CHCHD6: variants seen among roughly 807,000 people sequenced by gnomAD.
CHCHD6 encodes the protein coiled-coil-helix-coiled-coil-helix domain containing 6.
CHCHD6 carries 28 observed loss-of-function variants against 32.3 expected under a neutral mutation model. That is an observed-to-expected ratio of 0.87 (90% CI 0.64 to 1.19). CHCHD6 has a LOEUF of 1.19. CHCHD6 is among the 50% of genes most tolerant of loss of function. CHCHD6 has a pLI of 0.00. For synonymous variants in CHCHD6, 122 were observed against 117.5 expected (o/e 1.04, Z -0.25); for missense variants, 333 against 307.0 (o/e 1.08, Z -0.63).
intron 4 of CHCHD6, among the ~76,000 whole-genome samples, chr3:126,771,757 T>C (rs1393181477): frequency 6.6e-6 from 1 of 152,226 alleles, no homozygotes; most frequent in African/African-American, 2.4e-5. Flanking sequence ...TTCTAAGTTT[T>C]TGATGTGGGT....
At chr3:126,871,021 A>C (rs756180831) in intron 5 of CHCHD6, among the ~76,000 whole-genome samples, 1 of 152,182 alleles carries the variant, frequency 6.6e-6, no homozygotes. Flanking sequence ...GCTGTGATTC[A>C]TCTGGGTCAG....
Position 126,704,312 on chromosome 3 carries a change from C to T in CHCHD6, c.-1C>T. 6.2e-7 allele frequency: 1 copy of T among 1,604,004 alleles called. No individual in the cohort carries two copies. Among genetic ancestry groups the T allele is most frequent in the Non-Finnish European group, 8.5e-7 (1 of 1,177,462 alleles). On this transcript the variant is annotated 5_prime_UTR_variant, in exon 1 of 8. Transcript: ENST00000290913. ...GGCTGCCGGCCCTGCGGCATCTCGC[C>T]ATGGGGAGCACGGAGAGCAGCGAGG...
chr3:126,801,343 C>T (rs951478859), intron 4 of CHCHD6, among the ~76,000 whole-genome samples: 6 of 152,202 alleles, frequency 3.9e-5, no homozygotes, highest in Non-Finnish European at 4.4e-5. Flanking sequence ...CCTGGAAAAT[C>T]GGGTCACTCC....
At chr3:126,948,245 A>G (rs1309386912) in intron 6 of CHCHD6, among the ~76,000 whole-genome samples, 1 of 152,064 alleles carries the variant, frequency 6.6e-6, no homozygotes, top group Non-Finnish European at 1.5e-5. Context: ...TTATCCTCTC[A>G]CAGTTCTGGA....
rs546179022 is a variant in CHCHD6, at chr3:126,913,207, C to CTTTTTT, written c.496-1441_496-1436dup. 5.9e-4 allele frequency among the ~76,000 whole-genome samples: 20 copies of CTTTTTT among 33,786 alleles called. 8 individuals are homozygous for CTTTTTT. Among genetic ancestry groups the CTTTTTT allele is most frequent in the African/African-American group, 1.3e-3 (10 of 7,642 alleles). The allele number at this position is 33,786 out of a possible 152,430, so 22.2% of individuals were successfully genotyped here. A position where few individuals can be genotyped will look rare whatever the true frequency, so the allele number is the denominator to read the frequency against. On this transcript the variant is annotated intron_variant, in intron 5 of 7. Transcript: ENST00000290913. Reference sequence around the variant, plus strand: ...GGATAATCATGCTGCCCGTATGAGCCTTTTTTTTTTTTTTTTTTTTTTTTT... The same window carrying CTTTTTT: ...GGATAATCATGCTGCCCGTATGAGCCTTTTTTTTTTTTTTTTTTTTTTTTTTTTTTT...
chr3:126,921,842 C>A (rs761790987), intron 6 of CHCHD6, among the ~76,000 whole-genome samples: 1 of 152,182 alleles, frequency 6.6e-6, no homozygotes, highest in African/African-American at 2.4e-5. Context: ...TTTCTAGGAA[C>A]CTGAGCTTCC....
At chr3:126,877,672 G>C (rs1160899795) in intron 5 of CHCHD6, among the ~76,000 whole-genome samples, 1 of 152,162 alleles carries the variant, frequency 6.6e-6, no homozygotes, top group Non-Finnish European at 1.5e-5. Context: ...GTTAGGTTAG[G>C]TAGACCAGCT....
At chr3:126,847,600 A>G (rs994892637) in intron 4 of CHCHD6, among the ~76,000 whole-genome samples, 1 of 152,236 alleles carries the variant, frequency 6.6e-6, no homozygotes, top group Admixed American at 6.5e-5. Context: ...AGGAGATCCC[A>G]CAGGGGCATG....
intron 6 of CHCHD6, among the ~76,000 whole-genome samples, chr3:126,926,807 G>GAT (rs2078330761): frequency 6.6e-6 from 1 of 152,120 alleles, no homozygotes; most frequent in Non-Finnish European, 1.5e-5. Context: ...GGCAGCATTT[G>GAT]GGAGAACCAA....
At chr3:126,780,380 T>C (rs1937876380) in intron 4 of CHCHD6, 1 of 422,980 alleles carries the variant, frequency 2.4e-6, no homozygotes, top group South Asian at 1.8e-5. Flanking sequence ...AGGTATCCAA[T>C]AAAAAGGCTC....
intron 4 of CHCHD6, among the ~76,000 whole-genome samples, chr3:126,743,210 G>C (rs1470752574): frequency 2.0e-5 from 3 of 152,192 alleles, no homozygotes; most frequent in Non-Finnish European, 4.4e-5. Flanking sequence ...TGGCCCTGCT[G>C]TAGGAAGGGG....
intron 5 of CHCHD6, among the ~76,000 whole-genome samples, chr3:126,906,994 C>T (rs1190523965): frequency 1.3e-5 from 2 of 152,146 alleles, no homozygotes; most frequent in Non-Finnish European, 2.9e-5. Context: ...CAGAGGCATG[C>T]CTGGCCCTAG....
intron 4 of CHCHD6, among the ~76,000 whole-genome samples, chr3:126,775,094 A>T (rs1054588985): frequency 3.3e-5 from 5 of 152,240 alleles, no homozygotes; most frequent in African/African-American, 4.8e-5. Context: ...CTATATTTGC[A>T]GAGGCAATAG....
At chr3:126,910,224 G>T (rs2078067144) in intron 5 of CHCHD6, among the ~76,000 whole-genome samples, 1 of 138,934 alleles carries the variant, frequency 7.2e-6, no homozygotes, top group African/African-American at 2.6e-5. Flanking sequence ...GTTACAGCGG[G>T]CTATGATCAC....
At chr3:126,954,462 C>T (rs2078756851) in intron 6 of CHCHD6, among the ~76,000 whole-genome samples, 1 of 152,246 alleles carries the variant, frequency 6.6e-6, no homozygotes, top group African/African-American at 2.4e-5. Context: ...GTCAGCCCTC[C>T]AGCTCCATGA....
intron 5 of CHCHD6, among the ~76,000 whole-genome samples, chr3:126,913,025 G>A (rs1164902183): frequency 1.3e-5 from 2 of 152,108 alleles, no homozygotes; most frequent in Admixed American, 6.6e-5. Context: ...TGTGCCTGGT[G>A]GGCGGAGAGA....
At chr3:126,939,892 T>A (rs1182200068) in intron 6 of CHCHD6, among the ~76,000 whole-genome samples, 2 of 152,192 alleles carry the variant, frequency 1.3e-5, no homozygotes, top group Non-Finnish European at 2.9e-5. Context: ...TCAGGCCTCA[T>A]CTTCTGTGAT....
chr3:126,957,468 T>A lies in CHCHD6; in HGVS notation c.619T>A (p.Cys207Ser). ...AGGGTTGCAGGCCCAGATTCTCCACTGCTACCGAGATCGCCCGCATGAGGT... is the reference window on the plus strand; with the variant it reads ...AGGGTTGCAGGCCCAGATTCTCCACAGCTACCGAGATCGCCCGCATGAGGT... The part of the protein sequence containing the change: ...CSGLQAQILH[C>S]YRDRPHEVLL... The change falls in exon 7 of 8, where the codon TGC (cysteine) becomes AGC (serine). Residue 207 changes from cysteine to serine, a missense_variant. By Grantham distance (112) the Cys-to-Ser change is moderately radical (BLOSUM62 -1). Coordinates refer to ENST00000290913, the MANE Select transcript of CHCHD6 (RefSeq NM_032343.3). 1.2e-6 allele frequency: 2 copies of A among 1,610,858 alleles called. No individual in the cohort carries two copies. Among genetic ancestry groups the A allele is most frequent in the Non-Finnish European group, 1.7e-6 (2 of 1,178,808 alleles).
chr3:126,947,822 C>T (rs995955513), intron 6 of CHCHD6, among the ~76,000 whole-genome samples: 2 of 152,322 alleles, frequency 1.3e-5, no homozygotes, highest in South Asian at 2.1e-4. Context: ...TCCTGGGCAG[C>T]ACCTGGCAGC....
Sources: allele counts gnomAD v4.1 joint callset (sites outside exome capture counted in the v4.1 genomes callset), GRCh38; gene constraint gnomAD v4.1.1; transcripts MANE v1.5; gene names NCBI Gene and HGNC (gene_info 2026-07-23, HGNC 2026-07-21).